Variants in EPYC observed in about 807,000 individuals in gnomAD.
The protein encoded by EPYC is dermatan sulfate proteoglycan 3.
In EPYC, 28 loss-of-function variants were observed where a neutral mutation model predicts 30.1. The ratio of observed to expected loss-of-function variants is 0.93; its 90% CI spans 0.69 to 1.28. The LOEUF is 1.28. EPYC is among the 50% of genes most tolerant of loss of function. The pLI, the probability that EPYC is intolerant of heterozygous loss-of-function variation, is 0.00. For missense variants in EPYC, 382 were observed against 383.5 expected, an observed-to-expected ratio of 1.00 and a Z score of 0.03; for synonymous variants, 144 against 141.4, an observed-to-expected ratio of 1.02 and a Z score of -0.13.
intron 1 of EPYC, among the ~76,000 whole-genome samples, chr12:91,004,408 T>C (rs1373920918): frequency 6.6e-6 from 1 of 152,122 alleles, no homozygotes; most frequent in Non-Finnish European, 1.5e-5. Context: ...CAAGTAATTG[T>C]ATTAGCATTT....
At chr12:91,002,847 A>C (rs1443702781) in intron 1 of EPYC, among the ~76,000 whole-genome samples, 1 of 113,444 alleles carries the variant, frequency 8.8e-6, no homozygotes, top group Non-Finnish European at 1.8e-5. Flanking sequence ...ATAGAGAAAA[A>C]CAGAGCTTAT....
chr12:90,993,203 T>C (rs1281409583), intron 2 of EPYC, among the ~76,000 whole-genome samples: 1 of 152,166 alleles, frequency 6.6e-6, no homozygotes, highest in African/African-American at 2.4e-5. Flanking sequence ...TAATTGACTA[T>C]CAATTGCATA....
chr12:90,982,002 G>A (rs1186734071), intron 2 of EPYC, among the ~76,000 whole-genome samples: 1 of 152,136 alleles, frequency 6.6e-6, no homozygotes, highest in Non-Finnish European at 1.5e-5. Context: ...ATCACCAGGT[G>A]AATGTGTGAA....
At chr12:90,982,186 A>G (rs1018462619) in intron 2 of EPYC, among the ~76,000 whole-genome samples, 2 of 152,172 alleles carry the variant, frequency 1.3e-5, no homozygotes, top group African/African-American at 4.8e-5. Flanking sequence ...TATCTAAATT[A>G]CTATCCTCTC....
chr12:90,989,115 A>G (rs929171710), intron 2 of EPYC, among the ~76,000 whole-genome samples: 5 of 152,064 alleles, frequency 3.3e-5, no homozygotes, highest in South Asian at 2.1e-4. Context: ...TCCTATATCA[A>G]TGTTAAATAA....
intron 2 of EPYC, among the ~76,000 whole-genome samples, chr12:90,999,996 T>A (rs1877786079): frequency 6.6e-6 from 1 of 152,204 alleles, no homozygotes; most frequent in South Asian, 2.1e-4. Context: ...ATAAATATTT[T>A]AAAAAACTAC....
At chr12:90,974,116 T>C (rs1033644716) in intron 3 of EPYC, among the ~76,000 whole-genome samples, 5 of 150,520 alleles carry the variant, frequency 3.3e-5, no homozygotes, top group Middle Eastern at 3.2e-3. Flanking sequence ...TTAGTGATCA[T>C]GGAGAGGACA....
intron 6 of EPYC, 73 bp downstream of exon 6, chr12:90,969,971 C>T (rs1876995278): frequency 1.9e-6 from 2 of 1,036,072 alleles, no homozygotes; most frequent in East Asian, 4.7e-5. Context: ...CAGACAAATT[C>T]TTGTGTCCTG....
intron 2 of EPYC, among the ~76,000 whole-genome samples, chr12:90,980,390 C>A (rs374427615): frequency 1.3e-5 from 2 of 152,214 alleles, no homozygotes; most frequent in East Asian, 3.9e-4. Context: ...TGCAATACAA[C>A]TTTGAAAACC....
At chr12:90,992,397 G>A (rs146720844) in intron 2 of EPYC, among the ~76,000 whole-genome samples, 26 of 152,268 alleles carry the variant, frequency 1.7e-4, no homozygotes, top group Middle Eastern at 3.4e-3. Context: ...AAAACTTTCC[G>A]AGGGGTAGAC....
chr12:91,004,889 G>A (rs1170415085), intron 1 of EPYC, 58 bp downstream of exon 1: 2 of 152,028 alleles, frequency 1.3e-5, no homozygotes, highest in Non-Finnish European at 2.9e-5. Context: ...ATTTTTTAAA[G>A]GTTGTTATAG....
intron 2 of EPYC, among the ~76,000 whole-genome samples, chr12:91,001,219 G>A (rs1877815256): frequency 6.6e-6 from 1 of 151,890 alleles, no homozygotes; most frequent in South Asian, 2.1e-4. Context: ...GTATTCATAA[G>A]GCAACATAAA....
intron 6 of EPYC, among the ~76,000 whole-genome samples, chr12:90,969,555 A>G (rs1876983075): frequency 1.3e-5 from 2 of 150,730 alleles, no homozygotes; most frequent in Non-Finnish European, 3.0e-5. Flanking sequence ...TTGTTTATCC[A>G]GAGAGATGGA....
intron 2 of EPYC, among the ~76,000 whole-genome samples, chr12:91,001,169 A>G (rs976051617): frequency 1.3e-5 from 2 of 152,062 alleles, no homozygotes; most frequent in African/African-American, 4.8e-5. Context: ...AGAGGGGAGT[A>G]GATTTTTAAA....
intron 2 of EPYC, among the ~76,000 whole-genome samples, chr12:90,999,803 GT>G (rs138029180): frequency 2.0e-5 from 3 of 151,398 alleles, no homozygotes; most frequent in African/African-American, 7.3e-5. Flanking sequence ...ATTGTGTGCT[GT>G]TTTTTTTGCT....
chr12:90,972,050 A>G (rs781458991), intron 4 of EPYC, 48 bp from the exon 5 acceptor site: 16 of 1,139,144 alleles, frequency 1.4e-5, no homozygotes, highest in Non-Finnish European at 1.5e-5. Context: ...TGTTTTGCTC[A>G]CATAAAAATA....
chr12:91,003,215 C>T (rs984998804), intron 1 of EPYC, among the ~76,000 whole-genome samples: 3 of 152,042 alleles, frequency 2.0e-5, no homozygotes, highest in East Asian at 3.9e-4. Flanking sequence ...TCTTTGTAGC[C>T]TCTGGACATA....
intron 6 of EPYC, among the ~76,000 whole-genome samples, chr12:90,968,396 G>A (rs913244750): frequency 2.0e-5 from 3 of 152,082 alleles, no homozygotes; most frequent in Non-Finnish European, 4.4e-5. Context: ...AGATAGTTTT[G>A]GGTCTAGAAT....
At chr12:90,972,765 T>C in intron 4 of EPYC, 57 bp downstream of exon 4, 3 of 1,446,388 alleles carry the variant, frequency 2.1e-6, no homozygotes, top group Non-Finnish European at 2.8e-6. Flanking sequence ...TTTAACAATG[T>C]AAAAATTTAA....
Sources: allele counts gnomAD v4.1 joint callset (sites outside exome capture counted in the v4.1 genomes callset), GRCh38; gene constraint gnomAD v4.1.1; transcripts MANE v1.5; gene names NCBI Gene and HGNC (gene_info 2026-07-23, HGNC 2026-07-21).